Variants in PPP2R2B observed in about 807,000 individuals in gnomAD.
The protein encoded by PPP2R2B is serine/threonine-protein phosphatase 2A 55 kDa regulatory subunit B beta isoform.
In PPP2R2B, 5 loss-of-function variants were observed where a neutral mutation model predicts 46.0. The ratio of observed to expected loss-of-function variants is 0.11; its 90% CI spans 0.06 to 0.23. The LOEUF is 0.23. PPP2R2B is among the 10% of genes least tolerant of loss of function. The pLI is 1.00. For synonymous variants in PPP2R2B, 215 were observed against 206.7 expected (o/e 1.04, Z -0.34); for missense variants, 367 against 575.0 (o/e 0.64, Z 3.70).
At chr5:146,632,188 T>C (rs1774480078) in intron 7 of PPP2R2B, among the ~76,000 whole-genome samples, 2 of 151,740 alleles carry the variant, frequency 1.3e-5, no homozygotes, top group South Asian at 4.2e-4. Context: ...CTTGATCTAA[T>C]AGGACTGGTG....
At chr5:146,794,944 G>C (rs942763173) in intron 2 of PPP2R2B, among the ~76,000 whole-genome samples, 2 of 152,124 alleles carry the variant, frequency 1.3e-5, no homozygotes, top group Non-Finnish European at 2.9e-5. Context: ...ATGAATAGTG[G>C]TGTCTTCCTC....
At chr5:146,651,636 A>C (rs547314996) in intron 5 of PPP2R2B, among the ~76,000 whole-genome samples, 1 of 152,320 alleles carries the variant, frequency 6.6e-6, no homozygotes, top group African/African-American at 2.4e-5. Flanking sequence ...AACTAAAAAA[A>C]CACCCAAGAC....
chr5:146,691,318 G>T, intron 4 of PPP2R2B, 78 bp from the exon 5 acceptor site: 1 of 1,159,210 alleles, frequency 8.6e-7, no homozygotes, highest in Non-Finnish European at 1.3e-6. Context: ...GGGCAATGGG[G>T]AGAGGAAGAG....
chr5:146,767,080 C>T (rs1188564042), intron 2 of PPP2R2B, among the ~76,000 whole-genome samples: 4 of 135,666 alleles, frequency 2.9e-5, no homozygotes, highest in Admixed American at 1.5e-4. Context: ...AAAGGCTCAG[C>T]AGAGACAGTA....
At chr5:146,793,718 A>G (rs1205611132) in intron 2 of PPP2R2B, among the ~76,000 whole-genome samples, 3 of 152,134 alleles carry the variant, frequency 2.0e-5, no homozygotes, top group Non-Finnish European at 4.4e-5. Context: ...TCCCAAGTGG[A>G]ATTTTTAAAT....
At chr5:147,035,096 G>A (rs985095313) in intron 1 of PPP2R2B, 9 of 455,448 alleles carry the variant, frequency 2.0e-5, no homozygotes, top group African/African-American at 4.0e-5. Flanking sequence ...GCATTAGTTC[G>A]TTCTCACACA....
intron 1 of PPP2R2B, among the ~76,000 whole-genome samples, chr5:146,943,092 C>T (rs768503701): frequency 4.6e-5 from 7 of 152,202 alleles, no homozygotes; most frequent in African/African-American, 1.4e-4. Flanking sequence ...CTACTACGCC[C>T]GGCCCAAATC....
chr5:147,027,345 A>C (rs1672291729), intron 1 of PPP2R2B, among the ~76,000 whole-genome samples: 1 of 152,118 alleles, frequency 6.6e-6, no homozygotes, highest in Non-Finnish European at 1.5e-5. Flanking sequence ...CTCAATTAAA[A>C]ATTAGTGGGC....
intron 7 of PPP2R2B, among the ~76,000 whole-genome samples, chr5:146,635,656 C>T (rs985526559): frequency 2.0e-5 from 3 of 152,222 alleles, no homozygotes; most frequent in Non-Finnish European, 2.9e-5. Context: ...GAGGCCCTGC[C>T]TCCTTAGACA....
chr5:146,628,478 C>A (rs761800311), intron 7 of PPP2R2B, among the ~76,000 whole-genome samples: 1 of 152,186 alleles, frequency 6.6e-6, no homozygotes, highest in African/African-American at 2.4e-5. Flanking sequence ...TGCTGCAGGG[C>A]AGCCCCATCG....
At chr5:146,670,905 A>G (rs1387240605) in intron 5 of PPP2R2B, among the ~76,000 whole-genome samples, 2 of 152,228 alleles carry the variant, frequency 1.3e-5, no homozygotes, top group Non-Finnish European at 2.9e-5. Flanking sequence ...TTGTCAAAAA[A>G]GAAGAAAATT....
chr5:146,982,124 G>T (rs1753206085), intron 1 of PPP2R2B, among the ~76,000 whole-genome samples: 1 of 151,848 alleles, frequency 6.6e-6, no homozygotes, highest in South Asian at 2.1e-4. Flanking sequence ...GAGCTTATTT[G>T]CTCTTCTTTT....
chr5:146,616,142 G>A (rs1040587376), intron 7 of PPP2R2B, among the ~76,000 whole-genome samples: 10 of 152,146 alleles, frequency 6.6e-5, no homozygotes, highest in African/African-American at 1.9e-4. Context: ...GGAAAAGACA[G>A]TCTCTTCAAC....
intron 2 of PPP2R2B, among the ~76,000 whole-genome samples, chr5:146,871,136 G>T (rs904277380): frequency 6.6e-6 from 1 of 152,226 alleles, no homozygotes; most frequent in Admixed American, 6.5e-5. Flanking sequence ...TGGTGGTAAA[G>T]ATGACAAGTT....
At position 146,588,801 on chromosome 5, in the gene PPP2R2B, T is replaced by A. The variant is rs1770310718; in HGVS notation, c.*1146A>T. ...TAGAAGAGAGCCTTCTGGTCTGTTT[T>A]TCCAGATGGCGAGCTTGGGGTGAGT... On this transcript the variant is annotated 3_prime_UTR_variant, in exon 10 of 10. Coordinates refer to ENST00000394411, the MANE Select transcript of PPP2R2B (RefSeq NM_181675.4). 6.6e-6 allele frequency: 1 copy of A among 152,218 alleles called. No homozygotes were observed. Among genetic ancestry groups the A allele is most frequent in the Admixed American group, 6.5e-5 (1 of 15,288 alleles). 9.4% of individuals were successfully genotyped at this position (152,218 alleles called of 1,614,324 possible).
At chr5:146,697,913 G>A in intron 4 of PPP2R2B, 66 bp downstream of exon 4, 1 of 1,462,178 alleles carries the variant, frequency 6.8e-7, no homozygotes, top group Non-Finnish European at 9.3e-7. Context: ...TTGAGGTTAA[G>A]AGAGATTGAA....
chr5:147,027,085 G>T (rs1755560033), intron 1 of PPP2R2B, among the ~76,000 whole-genome samples: 1 of 152,062 alleles, frequency 6.6e-6, no homozygotes, highest in Admixed American at 6.6e-5. Flanking sequence ...TCACACAATA[G>T]AATACTATGC....
intron 2 of PPP2R2B, among the ~76,000 whole-genome samples, chr5:147,064,250 T>A (rs1015243911): frequency 1.3e-5 from 2 of 152,220 alleles, no homozygotes. Context: ...CTTTGCTTTA[T>A]GGCAGGGTTT....
chr5:146,734,742 T>C (rs1431904140), intron 2 of PPP2R2B, among the ~76,000 whole-genome samples: 1 of 152,184 alleles, frequency 6.6e-6, no homozygotes, highest in Non-Finnish European at 1.5e-5. Flanking sequence ...TACCTCAAAG[T>C]GCTGGTGTGA....
Sources: allele counts gnomAD v4.1 joint callset (sites outside exome capture counted in the v4.1 genomes callset), GRCh38; gene constraint gnomAD v4.1.1; transcripts MANE v1.5; gene names NCBI Gene and HGNC (gene_info 2026-07-23, HGNC 2026-07-21).